Variants in GRID2 observed in about 807,000 individuals in gnomAD.
GRID2 encodes the protein glutamate ionotropic receptor delta type subunit 2, also known as glutamate receptor ionotropic, delta-2.
A neutral mutation model predicts 114.8 loss-of-function variants in GRID2; 33 were observed. That is an observed-to-expected ratio of 0.29 (90% CI 0.22 to 0.38). The LOEUF is 0.38. GRID2 is among the 10% of genes least tolerant of loss of function. The probability of loss-of-function intolerance (pLI) is 1.00; values close to 1 mark genes in which losing one functional copy is unlikely to be tolerated. For missense variants in GRID2, 1,184 were observed against 1,257.7 expected, an observed-to-expected ratio of 0.94 and a Z score of 0.89; for synonymous variants, 505 against 449.9, an observed-to-expected ratio of 1.12 and a Z score of -1.55.
chr4:92,709,589 A>AAAATATATAT (rs779775767), intron 2 of GRID2, among the ~76,000 whole-genome samples: 122 of 114,610 alleles, frequency 1.1e-3, no homozygotes, highest in East Asian at 9.0e-3. Flanking sequence ...AAAAAAAAAA[A>AAAATATATAT]ATATATATAT....
intron 2 of GRID2, among the ~76,000 whole-genome samples, chr4:92,892,819 T>C (rs1746882576): frequency 6.6e-6 from 1 of 152,216 alleles, no homozygotes; most frequent in Non-Finnish European, 1.5e-5. Context: ...GTGAAAACCA[T>C]AGATTATTAC....
intron 9 of GRID2, among the ~76,000 whole-genome samples, chr4:93,419,019 G>A (rs1767996776): frequency 7.0e-6 from 1 of 143,428 alleles, no homozygotes; most frequent in Admixed American, 6.9e-5. Context: ...TTCTTCCTAA[G>A]TTTTCTGATC....
chr4:93,727,304 G>A (rs576257536), intron 14 of GRID2, among the ~76,000 whole-genome samples: 32 of 152,244 alleles, frequency 2.1e-4, no homozygotes, highest in African/African-American at 3.4e-4. Context: ...ATTTGCGTAT[G>A]TTGAACCAGC....
At chr4:93,438,075 A>G (rs1038261166) in intron 10 of GRID2, among the ~76,000 whole-genome samples, 29 of 152,272 alleles carry the variant, frequency 1.9e-4, no homozygotes, top group Admixed American at 1.8e-3. Flanking sequence ...AGCACACAGC[A>G]GAATGCCCTA....
intron 8 of GRID2, among the ~76,000 whole-genome samples, chr4:93,297,231 G>T (rs535540880): frequency 6.6e-6 from 1 of 152,138 alleles, no homozygotes; most frequent in Non-Finnish European, 1.5e-5. Flanking sequence ...AGAGCAGTAC[G>T]TGATACATGT....
At chr4:92,795,458 A>G (rs1739817525) in intron 2 of GRID2, among the ~76,000 whole-genome samples, 4 of 151,516 alleles carry the variant, frequency 2.6e-5, no homozygotes, top group Non-Finnish European at 5.9e-5. Context: ...ATCCAATTAA[A>G]CCTCCTTTTC....
chr4:92,517,844 A>G (rs1239010975), intron 1 of GRID2, among the ~76,000 whole-genome samples: 1 of 151,894 alleles, frequency 6.6e-6, no homozygotes, highest in African/African-American at 2.4e-5. Context: ...ATATCTATAA[A>G]TCACTTTATC....
chr4:92,689,726 TG>T (rs991300166), intron 2 of GRID2, among the ~76,000 whole-genome samples: 1 of 152,154 alleles, frequency 6.6e-6, no homozygotes, highest in Admixed American at 6.5e-5. Context: ...CCAAAAATAT[TG>T]GGGGTGGTTG....
intron 2 of GRID2, among the ~76,000 whole-genome samples, chr4:92,633,012 A>T (rs896616458): frequency 4.6e-5 from 7 of 152,170 alleles, no homozygotes; most frequent in African/African-American, 1.7e-4. Context: ...GATGAGACAG[A>T]TGTAGCACCA....
At chr4:92,703,487 C>T (rs1273550291) in intron 2 of GRID2, among the ~76,000 whole-genome samples, 7 of 151,946 alleles carry the variant, frequency 4.6e-5, no homozygotes, top group Middle Eastern at 3.4e-3. Context: ...TCCTTGTGAC[C>T]TCCTAGAAGA....
chr4:92,780,059 A>C (rs1738995880), intron 2 of GRID2, among the ~76,000 whole-genome samples: 1 of 152,178 alleles, frequency 6.6e-6, no homozygotes, highest in Non-Finnish European at 1.5e-5. Context: ...AAACTAATAG[A>C]GAAGGTGATA....
At chr4:93,136,353 T>A (rs1735251501) in intron 4 of GRID2, among the ~76,000 whole-genome samples, 1 of 151,740 alleles carries the variant, frequency 6.6e-6, no homozygotes, top group Non-Finnish European at 1.5e-5. Context: ...ACAGTGGACT[T>A]TCTAGTAGTG....
chr4:93,244,543 A>G (rs1353844487), intron 8 of GRID2, among the ~76,000 whole-genome samples: 2 of 42,482 alleles, frequency 4.7e-5, no homozygotes, highest in East Asian at 8.5e-4. Context: ...TAATCTATTA[A>G]TTAATAGATT....
intron 1 of GRID2, among the ~76,000 whole-genome samples, chr4:92,328,712 A>G (rs569801877): frequency 2.0e-5 from 3 of 152,230 alleles, no homozygotes; most frequent in East Asian, 1.9e-4. Flanking sequence ...TAAGGAACTA[A>G]AAACAACATT....
At chr4:93,799,527 A>T (rs987167448) in intron 1 of GRID2, among the ~76,000 whole-genome samples, 1 of 152,174 alleles carries the variant, frequency 6.6e-6, no homozygotes, top group Non-Finnish European at 1.5e-5. Context: ...GAAAATGTTA[A>T]ATTGAGCCAA....
chr4:92,378,058 A>T (rs955194419), intron 1 of GRID2, among the ~76,000 whole-genome samples: 1 of 152,028 alleles, frequency 6.6e-6, no homozygotes, highest in Non-Finnish European at 1.5e-5. Flanking sequence ...ATCTTAGATC[A>T]TATAATTTTA....
intron 14 of GRID2, among the ~76,000 whole-genome samples, chr4:93,751,028 A>G (rs550064972): frequency 6.6e-6 from 1 of 152,332 alleles, no homozygotes; most frequent in South Asian, 2.1e-4. Flanking sequence ...TTATGCTACA[A>G]TATCTCTCAC....
intron 2 of GRID2, among the ~76,000 whole-genome samples, chr4:92,967,225 C>T (rs1315756242): frequency 1.3e-5 from 2 of 151,868 alleles, no homozygotes; most frequent in African/African-American, 4.8e-5. Flanking sequence ...ATTGAGCAAA[C>T]TAATTAAGCA....
At chr4:93,541,718 T>A (rs970774015) in intron 13 of GRID2, among the ~76,000 whole-genome samples, 2 of 152,194 alleles carry the variant, frequency 1.3e-5, no homozygotes, top group African/African-American at 4.8e-5. Flanking sequence ...TGGGAGTTGC[T>A]CTATACAATG....
Sources: gnomAD v4.1 joint callset for allele counts (sites outside exome capture counted in the v4.1 genomes callset) on GRCh38, gnomAD v4.1.1 for gene constraint, MANE v1.5 for transcripts, NCBI Gene and HGNC (gene_info 2026-07-23, HGNC 2026-07-21) for gene names.